The following CCSER1 variants were observed in gnomAD, a reference collection of about 807,000 sequenced individuals.
CCSER1 encodes the protein serine-rich coiled-coil domain-containing protein 1.
Under a neutral mutation model 82.0 loss-of-function variants are expected in CCSER1, and 41 were observed. The ratio of observed to expected loss-of-function variants is 0.50; its 90% CI spans 0.39 to 0.65. CCSER1 has a LOEUF of 0.65. Ranked by LOEUF, CCSER1 falls within the 30% of genes least tolerant of loss-of-function variation. The pLI is 0.00. For synonymous variants in CCSER1, 414 were observed against 383.9 expected (o/e 1.08, Z -0.92); for missense variants, 1,119 against 1,064.2 (o/e 1.05, Z -0.72).
At chr4:91,235,864 G>A (rs1738961599) in intron 10 of CCSER1, among the ~76,000 whole-genome samples, 1 of 152,114 alleles carries the variant, frequency 6.6e-6, no homozygotes, top group Non-Finnish European at 1.5e-5. Flanking sequence ...TTCAGGTGCT[G>A]CTGGATTAAA....
intron 7 of CCSER1, among the ~76,000 whole-genome samples, chr4:90,787,746 A>C (rs1408870213): frequency 6.6e-6 from 1 of 152,206 alleles, no homozygotes; most frequent in African/African-American, 2.4e-5. Context: ...TACTGATTAG[A>C]GGTCAAAGTG....
At chr4:90,726,816 A>G (rs541102418) in intron 7 of CCSER1, among the ~76,000 whole-genome samples, 1 of 152,260 alleles carries the variant, frequency 6.6e-6, no homozygotes, top group Admixed American at 6.5e-5. Context: ...CAATTGAAAA[A>G]TCTGGAAACT....
chr4:90,245,906 A>AG (rs1578728104), intron 1 of CCSER1, among the ~76,000 whole-genome samples: 1 of 152,200 alleles, frequency 6.6e-6, no homozygotes, highest in Non-Finnish European at 1.5e-5. Context: ...GTGAAAAAAA[A>AG]GCAGCCTTTT....
At chr4:90,837,115 G>A (rs1050969152) in intron 8 of CCSER1, among the ~76,000 whole-genome samples, 1 of 151,866 alleles carries the variant, frequency 6.6e-6, no homozygotes, top group African/African-American at 2.4e-5. Context: ...CAAAAATAAG[G>A]AAAAACAGTA....
intron 10 of CCSER1, among the ~76,000 whole-genome samples, chr4:91,379,487 G>C (rs527578365): frequency 7.6e-4 from 115 of 152,298 alleles, no homozygotes; most frequent in African/African-American, 2.7e-3. Flanking sequence ...TTGGGAGGGT[G>C]TATGTGTCCA....
At chr4:91,282,201 T>A (rs1742964647) in intron 10 of CCSER1, among the ~76,000 whole-genome samples, 1 of 152,184 alleles carries the variant, frequency 6.6e-6, no homozygotes, top group African/African-American at 2.4e-5. Context: ...TTTAGGCAGA[T>A]CTCCTTTCTG....
intron 4 of CCSER1, among the ~76,000 whole-genome samples, chr4:90,442,379 TC>T (rs1401896992): frequency 2.0e-5 from 3 of 152,012 alleles, no homozygotes; most frequent in African/African-American, 7.2e-5. Context: ...TTGTCTACGG[TC>T]CCCAAGGACC....
chr4:90,324,342 A>G (rs908627880), intron 3 of CCSER1, among the ~76,000 whole-genome samples: 1 of 148,348 alleles, frequency 6.7e-6, no homozygotes, highest in Non-Finnish European at 1.5e-5. Flanking sequence ...TTGTTTCCTG[A>G]CTTTTTAATG....
At chr4:91,265,161 A>T (rs563696126) in intron 10 of CCSER1, among the ~76,000 whole-genome samples, 2 of 152,104 alleles carry the variant, frequency 1.3e-5, no homozygotes, top group African/African-American at 4.8e-5. Context: ...TTATAGACTA[A>T]TGTCCCTTAC....
chr4:90,264,851 GA>G (rs1460199910), intron 1 of CCSER1, among the ~76,000 whole-genome samples: 1 of 151,994 alleles, frequency 6.6e-6, no homozygotes, highest in Admixed American at 6.6e-5. Context: ...CCTCTAAGTT[GA>G]TATATTAATT....
chr4:90,847,724 A>G (rs1362961956), intron 8 of CCSER1, among the ~76,000 whole-genome samples: 1 of 152,222 alleles, frequency 6.6e-6, no homozygotes, highest in African/African-American at 2.4e-5. Flanking sequence ...CAATATAAAA[A>G]TAATGTTATA....
intron 10 of CCSER1, among the ~76,000 whole-genome samples, chr4:91,194,130 G>A (rs554026735): frequency 7.8e-4 from 118 of 152,024 alleles, no homozygotes; most frequent in Middle Eastern, 3.4e-3. Flanking sequence ...CCACCACACC[G>A]AGCTAATTTT....
At chr4:90,228,447 C>A (rs1188887118) in intron 1 of CCSER1, among the ~76,000 whole-genome samples, 2 of 152,146 alleles carry the variant, frequency 1.3e-5, no homozygotes, top group Non-Finnish European at 2.9e-5. Flanking sequence ...ACAGAAAGGA[C>A]ATCCACACCA....
intron 7 of CCSER1, among the ~76,000 whole-genome samples, chr4:90,802,035 T>C (rs1333512721): frequency 6.6e-6 from 1 of 151,656 alleles, no homozygotes; most frequent in Non-Finnish European, 1.5e-5. Flanking sequence ...CTGGCCAATA[T>C]GGTGAAACCC....
intron 9 of CCSER1, among the ~76,000 whole-genome samples, chr4:90,957,725 C>T (rs1006796240): frequency 5.1e-5 from 7 of 136,692 alleles, no homozygotes; most frequent in African/African-American, 1.9e-4. Flanking sequence ...TATACCCACA[C>T]ATACACACAC....
Position 90,233,191 on chromosome 4 carries a change from T to C in CCSER1, c.-41-75053T>C, listed in dbSNP as rs955218557. Among the ~76,000 whole-genome samples, 5 of 151,860 alleles carry C rather than the reference T, an allele frequency of 3.3e-5. No individual in the cohort carries two copies. The East Asian group carries it at 7.7e-4, about 23-fold the overall frequency. ...CATGACACGTATGTTTATTGCGGCA[T>C]TATTCACAATAGCAAAGACTTGGAA... On this transcript the variant is annotated intron_variant, in intron 1 of 10. Coordinates refer to ENST00000509176, the MANE Select transcript of CCSER1 (RefSeq NM_001145065.2).
rs139475242 is a variant in CCSER1, at chr4:90,929,730, G to A, written c.2172+6283G>A. 6.2e-3 allele frequency among the ~76,000 whole-genome samples: 946 copies of A among 152,286 alleles called. 4 individuals carry two copies. The highest frequency in any genetic ancestry group is 0.022 in the African/African-American group (896 of 41,552). ...TTCATTAAGATGAAACAGCACACGA[G>A]GATGGGGAGAGAATGAGTTGTTGCT... is the stretch of plus-strand genomic sequence containing the variant. On this transcript the variant is annotated intron_variant, in intron 9 of 10. Transcript: ENST00000509176.
At chr4:91,371,599 C>T (rs866033926) in intron 10 of CCSER1, among the ~76,000 whole-genome samples, 22 of 152,218 alleles carry the variant, frequency 1.4e-4, no homozygotes, top group African/African-American at 5.1e-4. Context: ...TAGATTGCTT[C>T]CAAATCTTAA....
chr4:90,869,380 T>C (rs1049746364), intron 8 of CCSER1, among the ~76,000 whole-genome samples: 2 of 152,038 alleles, frequency 1.3e-5, no homozygotes, highest in Non-Finnish European at 2.9e-5. Context: ...TTTTTGCATA[T>C]GGGTAGCAAT....
Sources: gnomAD v4.1 joint callset for allele counts (sites outside exome capture counted in the v4.1 genomes callset) on GRCh38, gnomAD v4.1.1 for gene constraint, MANE v1.5 for transcripts, NCBI Gene and HGNC (gene_info 2026-07-23, HGNC 2026-07-21) for gene names.